Variants in PPP2R3B observed in about 807,000 individuals in gnomAD.
PPP2R3B encodes serine/threonine-protein phosphatase 2A regulatory subunit B'' subunit beta.
Under a neutral mutation model 72.9 loss-of-function variants are expected in PPP2R3B, and 68 were observed. The observed-to-expected ratio is 0.93, with a 90% confidence interval of 0.77 to 1.14. The LOEUF (loss-of-function observed/expected upper bound fraction) is 1.14, where lower values mean the gene tolerates loss of function less well. Ranked by LOEUF, PPP2R3B falls within the 50% of genes most tolerant of loss-of-function variation. The pLI is 0.00. For missense variants in PPP2R3B, 1,018 were observed against 842.0 expected (o/e 1.21, Z -2.59); for synonymous variants, 466 against 375.8 (o/e 1.24, Z -2.78).
intron 2 of PPP2R3B, among the ~76,000 whole-genome samples, chrX:350,774 C>T (rs1270515967): frequency 7.9e-5 from 12 of 152,192 alleles, no homozygotes; most frequent in East Asian, 3.9e-4. Context: ...ACGCAGCTGC[C>T]GGGAAAGCGG....
Position 340,847 on chromosome X carries a change from C to T in PPP2R3B, c.1269G>A (p.Arg423=). The T allele has an allele frequency of 6.2e-7, 1 of 1,612,064 alleles. No homozygotes were observed. The highest frequency in any genetic ancestry group is 8.5e-7 in the Non-Finnish European group (1 of 1,179,694). Reference sequence around the variant, plus strand: ...GGGCCTCGATGGCCATGCTGTCCAGCCTTCGGCACTGCTCCTCGTAGAAGT... The same window carrying T: ...GGGCCTCGATGGCCATGCTGTCCAGTCTTCGGCACTGCTCCTCGTAGAAGT... ...LEYFYEEQCR[R]LDSMAIEALP... The change falls in exon 10 of 13, where the codon AGG becomes AGA. Residue 423 remains arginine, a synonymous_variant. Coordinates refer to ENST00000390665, the MANE Select transcript of PPP2R3B (RefSeq NM_013239.5).
rs781106824 is a variant in PPP2R3B, at chrX:347,339, GGAA to G, written c.615-6_615-4del. On this transcript the variant is annotated splice_polypyrimidine_tract_variant and splice_region_variant and intron_variant, in intron 3 of 12. Transcript: ENST00000390665. Reference sequence around the variant, plus strand: ...CGTCGTGGCAGTTCTGGAGGATTCTGGAAGGACAGGATGACTGGGCACCACCCT... The same window carrying G: ...CGTCGTGGCAGTTCTGGAGGATTCTGGGACAGGATGACTGGGCACCACCCT... The G allele has an allele frequency of 6.2e-6, 10 of 1,613,598 alleles. No homozygotes were observed. The South Asian group carries it at 9.9e-5, about 16-fold the overall frequency.
intron 12 of PPP2R3B, 170 bp from the exon 13 acceptor site, chrX:334,687 G>T: frequency 1.3e-6 from 1 of 791,692 alleles, no homozygotes; most frequent in South Asian, 2.6e-5. Flanking sequence ...TGAGGACGCC[G>T]GCTCCACGAA....
chrX:362,590 C>G (rs1224945359), intron 1 of PPP2R3B, among the ~76,000 whole-genome samples: 1 of 151,380 alleles, frequency 6.6e-6, no homozygotes, highest in African/African-American at 2.4e-5. Flanking sequence ...GGGCTGCGTC[C>G]TCCTCCTCCT....
chrX:342,093 G>GGGGC (rs2071092446), intron 7 of PPP2R3B, 162 bp from the exon 8 acceptor site: 4 of 768,470 alleles, frequency 5.2e-6, no homozygotes, highest in Non-Finnish European at 9.1e-6. Context: ...GCCCATCCTA[G>GGGGC]GGGCCCACCA....
At chrX:367,475 C>G (rs2071746469) in intron 1 of PPP2R3B, among the ~76,000 whole-genome samples, 1 of 151,212 alleles carries the variant, frequency 6.6e-6, no homozygotes, top group Non-Finnish European at 1.5e-5. Flanking sequence ...GTTGTGCTGG[C>G]TGGTCTTGAA....
At chrX:383,106 T>C (rs1232763007) in intron 1 of PPP2R3B, among the ~76,000 whole-genome samples, 1 of 152,210 alleles carries the variant, frequency 6.6e-6, no homozygotes, top group Non-Finnish European at 1.5e-5. Flanking sequence ...CTGGAGGGCC[T>C]GAGCCAGACG....
rs1166465620 is a variant in PPP2R3B, at chrX:345,353, A to T, written c.1036+163T>A. ...CCCAGACACGGGGCAGCGACTGGGG[A>T]AGGAGAGGCAGCTGCAGACACAGAG... is the stretch of plus-strand genomic sequence containing the variant. On this transcript the variant is annotated intron_variant, in intron 7 of 12. Coordinates refer to ENST00000390665, the MANE Select transcript of PPP2R3B (RefSeq NM_013239.5). The T allele has an allele frequency of 6.9e-6, 7 of 1,007,706 alleles. No individual in the cohort carries two copies. In the South Asian group the frequency reaches 8.2e-5, roughly 12 times the overall value. The allele number at this position is 1,007,706 out of a possible 1,614,324, so 62.4% of individuals were successfully genotyped here.
intron 6 of PPP2R3B, 73 bp from the exon 7 acceptor site, chrX:345,745 G>A: frequency 1.3e-6 from 2 of 1,566,232 alleles, no homozygotes; most frequent in Non-Finnish European, 1.7e-6. Flanking sequence ...GCTGCGGGCG[G>A]GGCAGGGAAG....
In PPP2R3B at chrX:346,759, T is replaced by A; in HGVS notation, c.734A>T (p.His245Leu). The A allele has an allele frequency of 6.2e-7, 1 of 1,610,116 alleles. No individual in the cohort carries two copies. The highest frequency in any genetic ancestry group is 8.5e-7 in the Non-Finnish European group (1 of 1,178,668). Residue 245 changes from histidine to leucine, a missense_variant, in exon 5 of 13, where the codon CAC becomes CTC. Transcript: ENST00000390665. ...VPFLQDVVNTHPGLSFLKEAS... is the reference protein window; with the variant it reads ...VPFLQDVVNTLPGLSFLKEAS... ...CTCCTTCAGGAACGACAGCCCCGGGTGCGTGTTCACCACGTCCTGCGGGTG... is the reference window on the plus strand; with the variant it reads ...CTCCTTCAGGAACGACAGCCCCGGGAGCGTGTTCACCACGTCCTGCGGGTG...
At chrX:347,087 C>G in intron 4 of PPP2R3B, 147 bp downstream of exon 4, 1 of 982,472 alleles carries the variant, frequency 1.0e-6, no homozygotes, top group South Asian at 1.4e-5. Context: ...GACGCGGGCC[C>G]TCCCATGAGG....
chrX:341,128 AGCCCCCACCAGGCGTGCACATGTC>A (rs2071060846), intron 9 of PPP2R3B, among the ~76,000 whole-genome samples, 155 bp downstream of exon 9: 1 of 9,242 alleles, frequency 1.1e-4, no homozygotes, highest in Admixed American at 6.1e-4. Context: ...TGTGCCGTGC[AGCCCCCACCAGGCGTGCACATGTC>A]CCCCTGTGCC....
rs1167857776 is a variant in PPP2R3B at position 338,896 on chromosome X, CCT to C, written c.1352-2_1352-1del. On this transcript the variant is annotated splice_acceptor_variant, in intron 10 of 12. Coordinates refer to ENST00000390665, the MANE Select transcript of PPP2R3B (RefSeq NM_013239.5). LOFTEE classifies it high-confidence loss of function. ...CTTCAGGTCCTGCAGCGTGATCTTC[CCT>C]GCGGGGAGGGGAGTGCGTCCAAGGC... 1 of 1,611,902 alleles carries C rather than the reference CCT, an allele frequency of 6.2e-7. No individual in the cohort carries two copies. The highest frequency in any genetic ancestry group is 8.5e-7 in the Non-Finnish European group (1 of 1,179,408).
chrX:369,514 G>C (rs1243316994), intron 1 of PPP2R3B, among the ~76,000 whole-genome samples: 1 of 152,082 alleles, frequency 6.6e-6, no homozygotes, highest in African/African-American at 2.4e-5. Flanking sequence ...GTCCATATAC[G>C]ACCAAAAACA....
At chrX:355,844 A>G (rs1212544480) in intron 2 of PPP2R3B, among the ~76,000 whole-genome samples, 1 of 152,206 alleles carries the variant, frequency 6.6e-6, no homozygotes, top group Admixed American at 6.5e-5. Context: ...GCAGCAGAGA[A>G]AAGTCCAGCG....
At chrX:371,059 G>T (rs1316328136) in intron 1 of PPP2R3B, among the ~76,000 whole-genome samples, 1 of 152,128 alleles carries the variant, frequency 6.6e-6, no homozygotes, top group Non-Finnish European at 1.5e-5. Flanking sequence ...AGGCTAGGCA[G>T]CACAGCTGTC....
chrX:342,087 ATCC>A, intron 7 of PPP2R3B, 156 bp from the exon 8 acceptor site: 1 of 796,522 alleles, frequency 1.3e-6, no homozygotes, highest in Non-Finnish European at 2.2e-6. Flanking sequence ...TGCACGGCCC[ATCC>A]TAGGGGCCCA....
intron 1 of PPP2R3B, among the ~76,000 whole-genome samples, chrX:368,786 G>A (rs2071789116): frequency 9.8e-6 from 1 of 102,522 alleles, no homozygotes; most frequent in African/African-American, 4.3e-5. Context: ...ACCGACACGG[G>A]GAAGGCCGGG....
At chrX:363,736 G>A (rs1228100289) in intron 1 of PPP2R3B, among the ~76,000 whole-genome samples, 4 of 120,768 alleles carry the variant, frequency 3.3e-5, no homozygotes, top group South Asian at 2.7e-4. Flanking sequence ...TTCCCGCAGC[G>A]GCGCCTTCCC....
Sources: gnomAD v4.1 joint callset for allele counts (sites outside exome capture counted in the v4.1 genomes callset) on GRCh38, gnomAD v4.1.1 for gene constraint, MANE v1.5 for transcripts, NCBI Gene and HGNC (gene_info 2026-07-23, HGNC 2026-07-21) for gene names.